MOBP: variants seen among roughly 807,000 people sequenced by gnomAD.
MOBP encodes myelin-associated oligodendrocyte basic protein.
In MOBP, 5 loss-of-function variants were observed where a neutral mutation model predicts 15.0. That is an observed-to-expected ratio of 0.33 (90% CI 0.17 to 0.70). The LOEUF (loss-of-function observed/expected upper bound fraction) is 0.70, where lower values mean the gene tolerates loss of function less well. Among genes scored for constraint, MOBP ranks in the 30% least tolerant of loss-of-function variants. The pLI is 0.67. For missense variants in MOBP, 188 were observed against 257.8 expected (o/e 0.73, Z 1.85); for synonymous variants, 88 against 99.0 (o/e 0.89, Z 0.66).
At chr3:39,503,965 A>AC (rs1192743063), downstream of MOBP, among the ~76,000 whole-genome samples, 4 of 152,166 alleles carry the variant, frequency 2.6e-5, no homozygotes, top group East Asian at 5.8e-4. Flanking sequence ...GTAAGCATTC[A>AC]CCCCGCAAAG....
At chr3:39,495,431 G>A (rs1324337975) in intron 2 of MOBP, among the ~76,000 whole-genome samples, 1 of 151,444 alleles carries the variant, frequency 6.6e-6, no homozygotes, top group Admixed American at 6.6e-5. Flanking sequence ...CATATATGAA[G>A]CATTTGACTC....
intron 1 of MOBP, among the ~76,000 whole-genome samples, chr3:39,479,163 C>A (rs1156422145): frequency 2.6e-5 from 4 of 151,996 alleles, no homozygotes; most frequent in Non-Finnish European, 5.9e-5. Flanking sequence ...CTTGTAGATT[C>A]ATAGGATTTC....
intron 2 of MOBP, among the ~76,000 whole-genome samples, chr3:39,487,176 C>T (rs78678005): frequency 0.012 from 1,806 of 151,776 alleles, 33 homozygotes; most frequent in African/African-American, 0.041. Flanking sequence ...CCATCTTGGA[C>T]CTCAAATGAT....
downstream of MOBP, among the ~76,000 whole-genome samples, chr3:39,504,209 G>C (rs555430737): frequency 2.8e-4 from 43 of 152,344 alleles, no homozygotes; most frequent in African/African-American, 1.0e-3. Flanking sequence ...AGGTTACCTA[G>C]TCATTAACTG....
At chr3:39,468,863 A>G (rs138318995) in intron 1 of MOBP, among the ~76,000 whole-genome samples, 2,819 of 102,786 alleles carry the variant, frequency 0.027, 459 homozygotes, top group Non-Finnish European at 0.038. Context: ...ATGAGTGTGT[A>G]TATATACATA....
chr3:39,492,914 C>G (rs1054626814), intron 2 of MOBP, among the ~76,000 whole-genome samples: 10 of 152,198 alleles, frequency 6.6e-5, no homozygotes, highest in Admixed American at 1.3e-4. Context: ...ACCTATTCTG[C>G]TTTCAAAATA....
In MOBP at chr3:39,502,485, A is replaced by G. The variant is rs1381735240; in HGVS notation, c.207-50A>G. ...CAGCTCCTGCCAGCGTCGCTTAAGC[A>G]GCAGAGGAGAGCCCTGGCTCCCGCC... On this transcript the variant is annotated intron_variant, in intron 3 of 3. Transcript: ENST00000684792. This position sits in a 1 kb window ranked among gnomAD's most constrained non-coding sequence, Gnocchi z 6.3. The G allele has an allele frequency of 1.1e-5, 17 of 1,545,160 alleles. No individual in the cohort carries two copies. The highest frequency in any genetic ancestry group is 1.4e-5 in the Non-Finnish European group (16 of 1,152,648).
chr3:39,511,026 A>G (rs1353647216), intron 4 of MOBP, among the ~76,000 whole-genome samples: 1 of 152,208 alleles, frequency 6.6e-6, no homozygotes, highest in Non-Finnish European at 1.5e-5. Context: ...TGACTGATGT[A>G]CTGTATCATC....
intron 2 of MOBP, among the ~76,000 whole-genome samples, chr3:39,491,807 T>G (rs905402918): frequency 1.3e-5 from 2 of 152,174 alleles, no homozygotes; most frequent in African/African-American, 4.8e-5. Flanking sequence ...GAGAGGAAGC[T>G]AAGGAGGCAG....
At chr3:39,473,827 G>C (rs553262126) in intron 1 of MOBP, among the ~76,000 whole-genome samples, 3 of 152,286 alleles carry the variant, frequency 2.0e-5, no homozygotes, top group African/African-American at 4.8e-5. Context: ...AAAAACAAAG[G>C]AAAAGCAGCA....
chr3:39,481,248 C>T (rs1475415254), intron 2 of MOBP, among the ~76,000 whole-genome samples: 3 of 152,218 alleles, frequency 2.0e-5, no homozygotes, highest in African/African-American at 7.2e-5. Flanking sequence ...CCAAAACTGA[C>T]TGGTCTAATT....
downstream of MOBP, chr3:39,528,266 A>G (rs1354168403): frequency 6.6e-6 from 1 of 152,202 alleles, no homozygotes; most frequent in Non-Finnish European, 1.5e-5. Flanking sequence ...TGTCATCCTG[A>G]CAAATTCTAG....
chr3:39,494,832 G>A (rs1305322258), intron 2 of MOBP, among the ~76,000 whole-genome samples: 4 of 123,742 alleles, frequency 3.2e-5, no homozygotes, highest in African/African-American at 9.3e-5. Flanking sequence ...AGGAAACTGA[G>A]TCTAACCAAT....
At chr3:39,491,321 C>T (rs1254650420) in intron 2 of MOBP, among the ~76,000 whole-genome samples, 1 of 152,094 alleles carries the variant, frequency 6.6e-6, no homozygotes. Flanking sequence ...TCTTTTTTAT[C>T]TTCTCTGGGC....
At chr3:39,468,844 CATATATACATGAGTGTGT>C (rs1453214914) in intron 1 of MOBP, among the ~76,000 whole-genome samples, 1 of 104,264 alleles carries the variant, frequency 9.6e-6, no homozygotes, top group Non-Finnish European at 1.7e-5. Context: ...TGTATATATA[CATATATACATGAGTGTGT>C]ATATATACAT....
At chr3:39,528,444 G>A (rs2043357766), downstream of MOBP, 1 of 152,172 alleles carries the variant, frequency 6.6e-6, no homozygotes, top group Non-Finnish European at 1.5e-5. Flanking sequence ...GAGAAAGCAG[G>A]GTTTCATTAG....
intron 4 of MOBP, among the ~76,000 whole-genome samples, chr3:39,512,073 C>G (rs1004776350): frequency 2.6e-5 from 4 of 152,176 alleles, no homozygotes; most frequent in Non-Finnish European, 4.4e-5. Context: ...CATTGTGTCA[C>G]TTAACCCTAT....
chr3:39,490,656 G>C (rs1349757875), intron 2 of MOBP, among the ~76,000 whole-genome samples: 3 of 152,036 alleles, frequency 2.0e-5, no homozygotes, highest in African/African-American at 7.2e-5. Context: ...TTCACCTCCC[G>C]GGCTCAAGCG....
At chr3:39,526,526 A>T (rs2043325463), downstream of MOBP, 1 of 152,226 alleles carries the variant, frequency 6.6e-6, no homozygotes, top group Non-Finnish European at 1.5e-5. Flanking sequence ...ATAAAGCTCC[A>T]AAAGCTACTC....
Sources: gnomAD v4.1 joint callset for allele counts (sites outside exome capture counted in the v4.1 genomes callset) on GRCh38, gnomAD v4.1.1 for gene constraint, Gnocchi (gnomAD v3.1) non-coding constraint, MANE v1.5 for transcripts, NCBI Gene and HGNC (gene_info 2026-07-23, HGNC 2026-07-21) for gene names.